Variants in WNK1 observed in about 807,000 individuals in gnomAD.
The protein encoded by WNK1 is WNK lysine deficient protein kinase 1.
WNK1 carries 38 observed loss-of-function variants against 222.8 expected under a neutral mutation model. That is an observed-to-expected ratio of 0.17 (90% confidence interval 0.13 to 0.22). The LOEUF is 0.22. Among genes scored for constraint, WNK1 ranks in the 10% least tolerant of loss-of-function variants. WNK1 has a pLI of 1.00. For missense variants in WNK1, 2,348 were observed against 2,918.4 expected (o/e 0.80, Z 4.50); for synonymous variants, 1,090 against 1,092.9 (o/e 1.00, Z 0.05).
chr12:906,264 C>T (rs1194586796), intron 26 of WNK1: 21 of 965,250 alleles, frequency 2.2e-5, no homozygotes, highest in Non-Finnish European at 2.6e-5. Flanking sequence ...CAGACAAGAC[C>T]ATGACTCTTC....
chr12:803,248 T>C (rs780888774), intron 1 of WNK1, among the ~76,000 whole-genome samples: 2 of 152,168 alleles, frequency 1.3e-5, no homozygotes, highest in African/African-American at 2.4e-5. Flanking sequence ...TTTGTTGGGG[T>C]ACAAAATTAG....
intron 1 of WNK1, among the ~76,000 whole-genome samples, chr12:755,152 A>G (rs1939809700): frequency 1.3e-5 from 2 of 152,178 alleles, no homozygotes; most frequent in Non-Finnish European, 2.9e-5. Flanking sequence ...CTAGGTTTAA[A>G]CAGCTGAGTT....
chr12:874,426 T>A (rs994928817), intron 9 of WNK1, among the ~76,000 whole-genome samples: 1 of 152,274 alleles, frequency 6.6e-6, no homozygotes, highest in East Asian at 1.9e-4. Flanking sequence ...GGTTTAGAGA[T>A]CTCTTTAAGA....
intron 1 of WNK1, among the ~76,000 whole-genome samples, chr12:791,697 G>A (rs1944858729): frequency 6.6e-6 from 1 of 152,156 alleles, no homozygotes; most frequent in African/African-American, 2.4e-5. Context: ...AGATAAAATT[G>A]TCATTTACAG....
chr12:840,348 T>C (rs934128672), intron 4 of WNK1, among the ~76,000 whole-genome samples: 1 of 147,934 alleles, frequency 6.8e-6, no homozygotes, highest in Non-Finnish European at 1.5e-5. Flanking sequence ...CCCATGCTGG[T>C]CTCAAACTCC....
chr12:780,398 A>C lies in WNK1; in HGVS notation c.759+26074A>C, dbSNP rs906514456. Reference sequence around the variant, plus strand: ...CTTCTAAGTTTAGACAGATGATAGAAATTCACAAAAATTTCAGTCATAGTT... The same window carrying C: ...CTTCTAAGTTTAGACAGATGATAGACATTCACAAAAATTTCAGTCATAGTT... On this transcript the variant is annotated intron_variant, in intron 1 of 27. Transcript: ENST00000315939. 3.3e-5 allele frequency among the ~76,000 whole-genome samples: 5 copies of C among 152,220 alleles called. No homozygotes were observed. In the East Asian group the frequency reaches 5.8e-4, roughly 18 times the overall value.
intron 1 of WNK1, among the ~76,000 whole-genome samples, chr12:758,640 ATCTC>A (rs903514759): frequency 6.8e-6 from 1 of 146,606 alleles, no homozygotes; most frequent in African/African-American, 2.4e-5. Flanking sequence ...ATTGAACTGA[ATCTC>A]TCTATTTGAA....
chr12:765,895 CTA>C (rs1235997443), intron 1 of WNK1, among the ~76,000 whole-genome samples: 1 of 152,090 alleles, frequency 6.6e-6, no homozygotes, highest in Admixed American at 6.6e-5. Flanking sequence ...TATGTATACT[CTA>C]TTAATAAAGA....
rs71051381 is a variant in WNK1 at position 758,035 on chromosome 12, T to TAAA, written c.759+3728_759+3730dup. ...GGGTGACAGGGTGAGACTCTGTCTC[T>TAAA]AAAAAAAAAAAAAAAAAAAGAAAGA... On this transcript the variant is annotated intron_variant, in intron 1 of 27. Coordinates refer to ENST00000315939, the MANE Select transcript of WNK1 (RefSeq NM_018979.4). Among the ~76,000 whole-genome samples the TAAA allele has an allele frequency of 3.4e-5, 4 of 116,272 alleles. 1 individual carries two copies. The highest frequency in any genetic ancestry group is 3.7e-5 in the Non-Finnish European group (2 of 54,516). The allele number at this position is 116,272 out of a possible 152,430, so 76.3% of individuals were successfully genotyped here.
chr12:801,813 G>GAGTA (rs1370412064), intron 1 of WNK1, among the ~76,000 whole-genome samples: 1 of 152,132 alleles, frequency 6.6e-6, no homozygotes, highest in Non-Finnish European at 1.5e-5. Context: ...AGAACTCTGG[G>GAGTA]AGTAAGTGGT....
At chr12:889,986 G>A (rs191973445) in intron 21 of WNK1, among the ~76,000 whole-genome samples, 24 of 135,930 alleles carry the variant, frequency 1.8e-4, no homozygotes, top group Non-Finnish European at 3.1e-4. Context: ...GGAGTCTTGC[G>A]CTGTTACCCA....
At position 911,125 on chromosome 12, in the gene WNK1, G is replaced by A. The variant is rs969993488; in HGVS notation, c.*2333G>A. ...TTTACTGTTGATTTCATCCTCCTGT[G>A]TATGAAATAACAAGCCTAGAGGAAT... On this transcript the variant is annotated 3_prime_UTR_variant, in exon 28 of 28. Transcript: ENST00000315939. 3 of 395,542 alleles carry A rather than the reference G, an allele frequency of 7.6e-6. No homozygotes were observed. Among genetic ancestry groups the A allele is most frequent in the African/African-American group, 6.2e-5 (3 of 48,554 alleles). 24.5% of individuals were successfully genotyped at this position (395,542 alleles called of 1,614,324 possible). A position where few individuals can be genotyped will look rare whatever the true frequency, so the allele number is the denominator to read the frequency against.
At chr12:823,614 G>A (rs934448497) in intron 2 of WNK1, among the ~76,000 whole-genome samples, 4 of 152,064 alleles carry the variant, frequency 2.6e-5, no homozygotes, top group Non-Finnish European at 5.9e-5. Context: ...TAAAGTTTCT[G>A]TCTCTGTTGA....
intron 1 of WNK1, among the ~76,000 whole-genome samples, chr12:796,969 T>C (rs995217323): frequency 1.3e-5 from 2 of 152,040 alleles, no homozygotes; most frequent in Non-Finnish European, 2.9e-5. Context: ...CTTATTGTTA[T>C]GTGAAGTTCT....
rs560682056 is a variant in WNK1 at position 820,339 on chromosome 12, T to G, written c.932+6525T>G. ...ATTGCAAATGAAATTGTTTTCTTAA[T>G]TTCCTTTTCAGATTGTTAATTGCTG... On this transcript the variant is annotated intron_variant, in intron 2 of 27. Coordinates refer to ENST00000315939, the MANE Select transcript of WNK1 (RefSeq NM_018979.4). Among the ~76,000 whole-genome samples the G allele has an allele frequency of 5.4e-4, 83 of 152,310 alleles. 1 individual carries two copies. In the East Asian group the frequency reaches 0.013, roughly 24 times the overall value.
chr12:821,121 G>C, intron 2 of WNK1, among the ~76,000 whole-genome samples: 1 of 126,712 alleles, frequency 7.9e-6, no homozygotes, highest in Non-Finnish European at 1.6e-5. Context: ...AGATAATCAT[G>C]AAACCACTTC....
At chr12:792,960 G>A (rs952155160) in intron 1 of WNK1, among the ~76,000 whole-genome samples, 1 of 152,016 alleles carries the variant, frequency 6.6e-6, no homozygotes, top group Non-Finnish European at 1.5e-5. Flanking sequence ...TTCTTCATGT[G>A]TAAAATGAGG....
At chr12:789,814 A>G (rs1944671408) in intron 1 of WNK1, among the ~76,000 whole-genome samples, 1 of 152,202 alleles carries the variant, frequency 6.6e-6, no homozygotes, top group Non-Finnish European at 1.5e-5. Flanking sequence ...CATTCTCAGC[A>G]TGTATTTCAG....
intron 4 of WNK1, among the ~76,000 whole-genome samples, chr12:847,961 A>C (rs1159062084): frequency 6.6e-6 from 1 of 151,840 alleles, no homozygotes; most frequent in African/African-American, 2.4e-5. Flanking sequence ...GCATGTGCCA[A>C]CATGCCCAGC....
Sources: gnomAD v4.1 joint callset for allele counts (sites outside exome capture counted in the v4.1 genomes callset) on GRCh38, gnomAD v4.1.1 for gene constraint, MANE v1.5 for transcripts, NCBI Gene and HGNC (gene_info 2026-07-23, HGNC 2026-07-21) for gene names.